Variants in ANLN observed in about 807,000 individuals in gnomAD.
ANLN encodes anillin, actin binding protein.
ANLN carries 59 observed loss-of-function variants against 135.1 expected under a neutral mutation model. That is an observed-to-expected ratio of 0.44 (90% CI 0.35 to 0.54). The LOEUF (loss-of-function observed/expected upper bound fraction) is 0.54, where lower values mean the gene tolerates loss of function less well. Ranked by LOEUF, ANLN falls within the 20% of genes least tolerant of loss-of-function variation. The probability of loss-of-function intolerance (pLI) is 0.00; values close to 1 mark genes in which losing one functional copy is unlikely to be tolerated. For missense variants in ANLN, 1,182 were observed against 1,340.0 expected, an observed-to-expected ratio of 0.88 and a Z score of 1.84; for synonymous variants, 406 against 456.4, an observed-to-expected ratio of 0.89 and a Z score of 1.41.
intron 14 of ANLN, 88 bp downstream of exon 14, chr7:36,422,897 A>G (rs1787937363): frequency 8.0e-7 from 1 of 1,255,274 alleles, no homozygotes; most frequent in Non-Finnish European, 1.1e-6. Flanking sequence ...TAAATCATGC[A>G]TAACAATGCA....
intron 7 of ANLN, among the ~76,000 whole-genome samples, chr7:36,412,334 T>A (rs1367843922): frequency 1.3e-3 from 186 of 142,702 alleles, no homozygotes; most frequent in African/African-American, 4.6e-3. Flanking sequence ...TATATTTTTT[T>A]TTTTTTTTTT....
intron 5 of ANLN, among the ~76,000 whole-genome samples, chr7:36,409,628 A>G (rs1787328102): frequency 6.6e-6 from 1 of 151,890 alleles, no homozygotes. Flanking sequence ...TTTACTTCAT[A>G]CTATTTCAAT....
At chr7:36,437,546 C>G (rs1045690010) in intron 20 of ANLN, among the ~76,000 whole-genome samples, 2 of 152,036 alleles carry the variant, frequency 1.3e-5, no homozygotes, top group East Asian at 3.9e-4. Context: ...TGATAAATAC[C>G]TGGAAGTGGG....
chr7:36,431,555 G>T (rs1309981099), intron 20 of ANLN, among the ~76,000 whole-genome samples: 1,775 of 77,792 alleles, frequency 0.023, 32 homozygotes, highest in African/African-American at 0.059. Context: ...GTATATATGT[G>T]TGTGTTTGTG....
At chr7:36,432,359 A>G (rs1212577514) in intron 20 of ANLN, among the ~76,000 whole-genome samples, 1 of 152,142 alleles carries the variant, frequency 6.6e-6, no homozygotes, top group Non-Finnish European at 1.5e-5. Context: ...GTATCTTGAC[A>G]TTTTTAAAGC....
At chr7:36,392,513 G>GTTTTT (rs55732261) in intron 1 of ANLN, among the ~76,000 whole-genome samples, 1 of 140,462 alleles carries the variant, frequency 7.1e-6, no homozygotes, top group Non-Finnish European at 1.5e-5. Flanking sequence ...TATTGCAGTG[G>GTTTTT]TTTTTTTTTT....
chr7:36,420,063 T>TCC, intron 10 of ANLN, 106 bp from the exon 11 acceptor site: 1 of 1,103,924 alleles, frequency 9.1e-7, no homozygotes, highest in Non-Finnish European at 1.3e-6. Flanking sequence ...ATCAATCAGC[T>TCC]TACTGGATTT....
chr7:36,403,881 G>A (rs997679219), intron 3 of ANLN, among the ~76,000 whole-genome samples: 1 of 152,186 alleles, frequency 6.6e-6, no homozygotes, highest in African/African-American at 2.4e-5. Context: ...GGTTGGTCTT[G>A]AAGTCCTGAG....
intron 8 of ANLN, among the ~76,000 whole-genome samples, chr7:36,416,574 C>T (rs1004626338): frequency 6.6e-6 from 1 of 152,072 alleles, no homozygotes; most frequent in Non-Finnish European, 1.5e-5. Context: ...GTGTACCTTC[C>T]TTCTATTCCT....
chr7:36,449,811 A>T lies in ANLN; in HGVS notation c.3225A>T (p.Gln1075His). 6.2e-7 allele frequency: 1 copy of T among 1,614,032 alleles called. No homozygotes were observed. Among genetic ancestry groups the T allele is most frequent in the Non-Finnish European group, 8.5e-7 (1 of 1,179,940 alleles). The change falls in exon 23 of 24, where the codon CAA becomes CAT. Residue 1075 changes from glutamine (Q) to histidine (H), a missense_variant. Transcript: ENST00000265748. ...ATGACCGAGAGACTCTTGTCAGCCA[A>T]TGCAGGGACACACTCTGTGTTACCA... ...REDDRETLVS[Q>H]CRDTLCVTKN...
chr7:36,426,819 C>G, intron 19 of ANLN, 97 bp from the exon 20 acceptor site: 1 of 575,910 alleles, frequency 1.7e-6, no homozygotes, highest in Non-Finnish European at 2.9e-6. Flanking sequence ...TTCTCTGTGG[C>G]AGCTTAATTT....
At chr7:36,438,325 T>C (rs1195848836) in intron 20 of ANLN, among the ~76,000 whole-genome samples, 1 of 152,210 alleles carries the variant, frequency 6.6e-6, no homozygotes, top group Non-Finnish European at 1.5e-5. Context: ...CTCAATTCCA[T>C]TTCTTTTGTC....
intron 3 of ANLN, 54 bp downstream of exon 3, chr7:36,399,447 T>G: frequency 7.0e-7 from 1 of 1,429,632 alleles, no homozygotes; most frequent in Admixed American, 2.4e-5. Flanking sequence ...AAGATTCAGT[T>G]TGGTATGTTG....
chr7:36,405,895 C>T (rs889366091), intron 3 of ANLN, among the ~76,000 whole-genome samples: 1 of 152,036 alleles, frequency 6.6e-6, no homozygotes, highest in African/African-American at 2.4e-5. Flanking sequence ...GTTATATATA[C>T]CACCATTAAT....
intron 23 of ANLN, among the ~76,000 whole-genome samples, chr7:36,451,342 C>G (rs1211156964): frequency 6.6e-6 from 1 of 152,144 alleles, no homozygotes; most frequent in Non-Finnish European, 1.5e-5. Flanking sequence ...CACATTGAAA[C>G]CAGAATGTTT....
At chr7:36,399,781 A>G (rs1158781806) in intron 3 of ANLN, among the ~76,000 whole-genome samples, 1 of 152,210 alleles carries the variant, frequency 6.6e-6, no homozygotes, top group East Asian at 1.9e-4. Context: ...AATGCTGTTC[A>G]GTAGGGGAGA....
rs1309425212 is a variant in ANLN, at chr7:36,420,160, T to C, written c.1870-9T>C. ...GATCAATGTTAATATCTGATGCGTT[T>C]TCCCACAGAGTTTAGTGTCCACACC... On this transcript the variant is annotated splice_polypyrimidine_tract_variant and intron_variant, in intron 10 of 23. Coordinates refer to ENST00000265748, the MANE Select transcript of ANLN (RefSeq NM_018685.5). The C allele has an allele frequency of 5.0e-6, 8 of 1,611,552 alleles. No individual in the cohort carries two copies. The Admixed American group carries it at 1.3e-4, about 27-fold the overall frequency.
chr7:36,402,417 C>T (rs779060954), intron 3 of ANLN, among the ~76,000 whole-genome samples: 6 of 152,206 alleles, frequency 3.9e-5, no homozygotes, highest in Middle Eastern at 3.4e-3. Flanking sequence ...CCTGCCTGCA[C>T]CTAGGTTATA....
intron 13 of ANLN, 146 bp from the exon 14 acceptor site, chr7:36,422,487 C>T: frequency 1.4e-6 from 1 of 699,104 alleles, no homozygotes. Context: ...TTTTCCCCAA[C>T]CACCTACCAT....
Sources: allele counts gnomAD v4.1 joint callset (sites outside exome capture counted in the v4.1 genomes callset), GRCh38; gene constraint gnomAD v4.1.1; transcripts MANE v1.5; gene names NCBI Gene and HGNC (gene_info 2026-07-23, HGNC 2026-07-21).